Variants in RPS6KA5 observed in about 807,000 individuals in gnomAD.
RPS6KA5 encodes the protein ribosomal protein S6 kinase alpha-5.
A neutral mutation model predicts 85.5 loss-of-function variants in RPS6KA5; 27 were observed. The ratio of observed to expected loss-of-function variants is 0.32; its 90% confidence interval spans 0.23 to 0.44. The LOEUF (loss-of-function observed/expected upper bound fraction) is 0.44. RPS6KA5 is among the 20% of genes least tolerant of loss of function. RPS6KA5 has a pLI of 1.00. For synonymous variants in RPS6KA5, 334 were observed against 348.2 expected (o/e 0.96, Z 0.46); for missense variants, 811 against 980.9 (o/e 0.83, Z 2.31).
intron 1 of RPS6KA5, among the ~76,000 whole-genome samples, chr14:91,010,597 T>G (rs180927148): frequency 1.3e-4 from 20 of 152,260 alleles, no homozygotes; most frequent in African/African-American, 4.6e-4. Context: ...TAGAAAAGCT[T>G]AAGCCTAAAA....
At chr14:91,035,241 A>G (rs1454269529) in intron 1 of RPS6KA5, among the ~76,000 whole-genome samples, 1 of 152,106 alleles carries the variant, frequency 6.6e-6, no homozygotes, top group African/African-American at 2.4e-5. Context: ...AACAAGTAAA[A>G]CTGCATATGA....
chr14:91,013,173 G>C (rs2041331573), intron 1 of RPS6KA5, among the ~76,000 whole-genome samples: 1 of 152,116 alleles, frequency 6.6e-6, no homozygotes, highest in Admixed American at 6.5e-5. Context: ...TATTTCATAG[G>C]TTTCACGTAG....
intron 7 of RPS6KA5, among the ~76,000 whole-genome samples, chr14:90,919,149 C>T (rs947584322): frequency 2.0e-5 from 3 of 152,162 alleles, no homozygotes; most frequent in African/African-American, 7.2e-5. Context: ...TCTCCTCTCC[C>T]ATACTCTGGC....
rs571232180 is a variant in RPS6KA5, at chr14:90,886,471, G to C, written c.1836+4016C>G. ...CTCCATGTGACTGTATTTGGAGACA[G>C]GGCCTTTAGGGAGGTAACTAAGGTT... On this transcript the variant is annotated intron_variant, in intron 14 of 16. Coordinates refer to ENST00000614987, the MANE Select transcript of RPS6KA5 (RefSeq NM_004755.4). Among the ~76,000 whole-genome samples the C allele has an allele frequency of 8.0e-4, 122 of 152,268 alleles. 1 individual carries two copies. The South Asian group carries it at 0.024, about 30-fold the overall frequency.
intron 12 of RPS6KA5, among the ~76,000 whole-genome samples, chr14:90,899,109 A>G (rs2035008304): frequency 6.6e-6 from 1 of 152,026 alleles, no homozygotes; most frequent in South Asian, 2.1e-4. Flanking sequence ...CTGCTGAGTG[A>G]GAAAAGCATG....
chr14:90,938,710 C>T (rs921802613), intron 5 of RPS6KA5, among the ~76,000 whole-genome samples: 1 of 152,208 alleles, frequency 6.6e-6, no homozygotes, highest in African/African-American at 2.4e-5. Flanking sequence ...CTGAGCTGTA[C>T]CTTGGCTCCT....
At chr14:91,002,154 G>A (rs769078189) in intron 1 of RPS6KA5, among the ~76,000 whole-genome samples, 1 of 152,084 alleles carries the variant, frequency 6.6e-6, no homozygotes, top group South Asian at 2.1e-4. Flanking sequence ...CAAATTACTT[G>A]TCTGTGTCTC....
chr14:90,932,115 ATCATTCATTCAT>A (rs891623440), intron 5 of RPS6KA5, among the ~76,000 whole-genome samples: 1 of 152,052 alleles, frequency 6.6e-6, no homozygotes, highest in Admixed American at 6.5e-5. Flanking sequence ...CAATCATTCA[ATCATTCATTCAT>A]TCATTCATTC....
intron 7 of RPS6KA5, among the ~76,000 whole-genome samples, chr14:90,910,173 C>T (rs567943433): frequency 6.6e-6 from 1 of 152,238 alleles, no homozygotes; most frequent in South Asian, 2.1e-4. Flanking sequence ...AAAACAAAAG[C>T]AAGACCTTGC....
intron 7 of RPS6KA5, among the ~76,000 whole-genome samples, chr14:90,912,391 C>T (rs953868147): frequency 3.3e-5 from 5 of 152,180 alleles, no homozygotes; most frequent in Admixed American, 6.5e-5. Context: ...AAGTGATACC[C>T]GTGAAGACAG....
intron 3 of RPS6KA5, among the ~76,000 whole-genome samples, chr14:90,959,761 G>A (rs114732485): frequency 0.019 from 2,900 of 152,206 alleles, 83 homozygotes; most frequent in African/African-American, 0.066. Context: ...AAACTGTTTG[G>A]GTATATGTAG....
intron 1 of RPS6KA5, among the ~76,000 whole-genome samples, chr14:91,013,045 A>G (rs1367118178): frequency 1.3e-5 from 2 of 152,088 alleles, no homozygotes; most frequent in Non-Finnish European, 2.9e-5. Context: ...ATCCATCCTC[A>G]CAGGACTCCC....
At chr14:90,937,559 T>A (rs2037329991) in intron 5 of RPS6KA5, among the ~76,000 whole-genome samples, 1 of 152,116 alleles carries the variant, frequency 6.6e-6, no homozygotes, top group African/African-American at 2.4e-5. Context: ...CAGTCCATTC[T>A]CACACTGCTG....
intron 4 of RPS6KA5, among the ~76,000 whole-genome samples, chr14:90,946,305 C>G (rs1018844722): frequency 2.8e-4 from 7 of 25,428 alleles, no homozygotes; most frequent in African/African-American, 1.1e-3. Flanking sequence ...GCCCCTCAAC[C>G]CCCCCATTAC....
intron 1 of RPS6KA5, among the ~76,000 whole-genome samples, chr14:91,044,751 A>G (rs145278999): frequency 0.031 from 4,678 of 151,966 alleles, 94 homozygotes; most frequent in Non-Finnish European, 0.037. Context: ...GGCACCTGTA[A>G]TCCCAGCTAC....
At chr14:91,018,261 A>G (rs1392549181) in intron 1 of RPS6KA5, among the ~76,000 whole-genome samples, 6 of 152,224 alleles carry the variant, frequency 3.9e-5, no homozygotes, top group Non-Finnish European at 8.8e-5. Context: ...TTTTGTTTAA[A>G]AAATATTTGT....
At chr14:91,011,652 A>G (rs1175230990) in intron 1 of RPS6KA5, among the ~76,000 whole-genome samples, 2 of 152,186 alleles carry the variant, frequency 1.3e-5, no homozygotes, top group African/African-American at 2.4e-5. Flanking sequence ...CACTTGACCA[A>G]TTCCTTTTTT....
At chr14:90,979,469 C>G (rs1469346488) in intron 2 of RPS6KA5, among the ~76,000 whole-genome samples, 1 of 152,232 alleles carries the variant, frequency 6.6e-6, no homozygotes, top group East Asian at 1.9e-4. Flanking sequence ...ATGCTTTAAT[C>G]AGACCATTAT....
Position 90,994,561 on chromosome 14 carries a change from A to ATTTTTTTTTTT in RPS6KA5, c.175+6516_175+6526dup, listed in dbSNP as rs935828871. ...GTGCTTTGCTTCTTGGATGTTTGTG[A>ATTTTTTTTTTT]TTTTTTTTTTTTTTTTTTTTTTTTT... On this transcript the variant is annotated intron_variant, in intron 2 of 16. Transcript: ENST00000614987. Among the ~76,000 whole-genome samples, 14 of 61,922 alleles carry ATTTTTTTTTTT rather than the reference A, an allele frequency of 2.3e-4. 2 individuals are homozygous for ATTTTTTTTTTT. Among genetic ancestry groups the ATTTTTTTTTTT allele is most frequent in the Non-Finnish European group, 2.3e-4 (7 of 30,714 alleles). The allele number at this position is 61,922 out of a possible 152,430, so 40.6% of individuals were successfully genotyped here.
Sources: allele counts gnomAD v4.1 joint callset (sites outside exome capture counted in the v4.1 genomes callset), GRCh38; gene constraint gnomAD v4.1.1; transcripts MANE v1.5; gene names NCBI Gene and HGNC (gene_info 2026-07-23, HGNC 2026-07-21).